Variants in CDC42BPB observed in about 807,000 individuals in gnomAD.
CDC42BPB encodes serine/threonine-protein kinase MRCK beta.
In CDC42BPB, 37 loss-of-function variants were observed where a neutral mutation model predicts 214.9. The ratio of observed to expected loss-of-function variants is 0.17; its 90% CI spans 0.13 to 0.23. CDC42BPB has a LOEUF of 0.23. CDC42BPB is among the 10% of genes least tolerant of loss of function. CDC42BPB has a pLI of 1.00. For missense variants in CDC42BPB, 1,694 were observed against 2,227.0 expected (o/e 0.76, Z 4.82); for synonymous variants, 931 against 884.0 (o/e 1.05, Z -0.94).
intron 28 of CDC42BPB, 95 bp downstream of exon 28, chr14:102,946,373 C>T: frequency 7.3e-7 from 1 of 1,363,946 alleles, no homozygotes; most frequent in South Asian, 1.3e-5. Context: ...CCCAAATGGA[C>T]CTGTGACCTT....
At chr14:103,056,613 G>A (rs927275522) in intron 1 of CDC42BPB, among the ~76,000 whole-genome samples, 1 of 149,780 alleles carries the variant, frequency 6.7e-6, no homozygotes, top group African/African-American at 2.5e-5. Context: ...GAGTGCTGCA[G>A]GAAATGATAT....
At chr14:102,942,250 T>G (rs923757179) in intron 30 of CDC42BPB, among the ~76,000 whole-genome samples, 2 of 152,150 alleles carry the variant, frequency 1.3e-5, no homozygotes, top group African/African-American at 2.4e-5. Context: ...TGCTGTGGTG[T>G]GGCCATCGGG....
intron 30 of CDC42BPB, chr14:102,941,620 A>G: frequency 1.1e-6 from 1 of 922,258 alleles, no homozygotes; most frequent in Non-Finnish European, 1.3e-6. Flanking sequence ...CTTGCAAGGA[A>G]GCAGGAAGAA....
intron 1 of CDC42BPB, 89 bp downstream of exon 1, chr14:103,056,910 C>G (rs112028001): frequency 2.1e-6 from 2 of 964,412 alleles, no homozygotes; most frequent in Non-Finnish European, 2.8e-6. Context: ...CAGGGTCTGT[C>G]CGGGCGGGGA....
chr14:102,966,613 T>C (rs1462912574), intron 17 of CDC42BPB: 18 of 654,758 alleles, frequency 2.7e-5, no homozygotes, highest in Non-Finnish European at 3.0e-5. Flanking sequence ...GACTCAAGAA[T>C]GAAAAAATTC....
At position 102,933,355 on chromosome 14, in the gene CDC42BPB, G is replaced by C. The variant is rs1480947962; in HGVS notation, c.*357C>G. 1 of 208,874 alleles carries C rather than the reference G, an allele frequency of 4.8e-6. No individual in the cohort carries two copies. The highest frequency in any genetic ancestry group is 2.3e-5 in the African/African-American group (1 of 43,600). 12.9% of individuals were successfully genotyped at this position (208,874 alleles called of 1,614,324 possible). On this transcript the variant is annotated 3_prime_UTR_variant, in exon 37 of 37. Coordinates refer to ENST00000361246, the MANE Select transcript of CDC42BPB (RefSeq NM_006035.4). ...ACTGGGTACTGAGGCTGTGTCCCCAGATGTCTGCTTCCGAAGCAGCCGCGT... is the reference window on the plus strand; with the variant it reads ...ACTGGGTACTGAGGCTGTGTCCCCACATGTCTGCTTCCGAAGCAGCCGCGT...
chr14:102,998,737 ATT>A (rs1475411662), intron 5 of CDC42BPB, among the ~76,000 whole-genome samples: 1 of 152,082 alleles, frequency 6.6e-6, no homozygotes, highest in African/African-American at 2.4e-5. Context: ...CTCAAGCCCT[ATT>A]TCCTTTGTGA....
At chr14:102,970,095 T>A in intron 14 of CDC42BPB, 56 bp downstream of exon 14, 1 of 1,380,358 alleles carries the variant, frequency 7.2e-7, no homozygotes, top group Non-Finnish European at 1.0e-6. Flanking sequence ...TGTGGTGGCG[T>A]CAGCAAAGAT....
At chr14:102,968,761 A>C in intron 14 of CDC42BPB, 45 bp from the exon 15 acceptor site, 1 of 1,604,896 alleles carries the variant, frequency 6.2e-7, no homozygotes, top group Non-Finnish European at 8.5e-7. Flanking sequence ...CTGTGTCCTC[A>C]AGGGTCACAC....
intron 1 of CDC42BPB, 140 bp downstream of exon 1, chr14:103,056,859 A>C: frequency 5.8e-6 from 3 of 518,784 alleles, no homozygotes; most frequent in East Asian, 3.6e-5. Flanking sequence ...TGCCAGAGCG[A>C]GAGGAGGCGA....
intron 36 of CDC42BPB, among the ~76,000 whole-genome samples, chr14:102,935,512 G>A (rs571390427): frequency 3.9e-5 from 6 of 152,300 alleles, no homozygotes; most frequent in East Asian, 3.9e-4. Context: ...GTACTAGGCC[G>A]GGTATAGTGC....
chr14:102,947,235 T>G (rs1453473547), intron 27 of CDC42BPB, among the ~76,000 whole-genome samples: 1 of 152,106 alleles, frequency 6.6e-6, no homozygotes. Context: ...AAATTCCCAG[T>G]GGAGGGGGCT....
In CDC42BPB at chr14:102,983,901, T is replaced by G. The variant is rs1016266153; in HGVS notation, c.691-145A>C. ...GAATGATCGTGTTTTTTAAACCCAG[T>G]AATTCAAGCTGAGTATAGTGCCTCG... On this transcript the variant is annotated intron_variant, in intron 6 of 36. Coordinates refer to ENST00000361246, the MANE Select transcript of CDC42BPB (RefSeq NM_006035.4). 7 of 1,449,924 alleles carry G rather than the reference T, an allele frequency of 4.8e-6. No homozygotes were observed. In the African/African-American group the frequency reaches 9.9e-5, roughly 21 times the overall value. 89.8% of individuals were successfully genotyped at this position (1,449,924 alleles called of 1,614,324 possible).
At position 102,943,760 on chromosome 14, in the gene CDC42BPB, C is replaced by A; in HGVS notation, c.4408+131G>T. ...CTCTCTGCTGCGGGCTGGCATGGGG[C>A]CCACCTCTCCCGATGCTCTGTGACT... On this transcript the variant is annotated intron_variant, in intron 30 of 36. Coordinates refer to ENST00000361246, the MANE Select transcript of CDC42BPB (RefSeq NM_006035.4). This position sits in a 1 kb window ranked among gnomAD's most constrained non-coding sequence, Gnocchi z 4.6. 1.3e-6 allele frequency: 1 copy of A among 780,548 alleles called. No homozygotes were observed. Among genetic ancestry groups the A allele is most frequent in the Non-Finnish European group, 2.0e-6 (1 of 494,240 alleles). The allele number at this position is 780,548 out of a possible 1,614,324, so 48.4% of individuals were successfully genotyped here. A position where few individuals can be genotyped will look rare whatever the true frequency, so the allele number is the denominator to read the frequency against.
At chr14:103,029,840 A>G (rs1887260706) in intron 1 of CDC42BPB, among the ~76,000 whole-genome samples, 1 of 136,962 alleles carries the variant, frequency 7.3e-6, no homozygotes, top group Non-Finnish European at 1.5e-5. Context: ...GCCTAGTGAC[A>G]GAGGGAGACT....
At chr14:102,974,222 TACTG>T in intron 11 of CDC42BPB, 73 bp from the exon 12 acceptor site, 1 of 1,564,628 alleles carries the variant, frequency 6.4e-7, no homozygotes, top group Non-Finnish European at 8.6e-7. Context: ...TTAGCTGACT[TACTG>T]ACAGGAAATT....
intron 23 of CDC42BPB, 110 bp downstream of exon 23, chr14:102,954,088 A>G (rs892219001): frequency 1.2e-6 from 1 of 814,234 alleles, no homozygotes; most frequent in African/African-American, 1.7e-5. Context: ...TGTGTATGCA[A>G]AAATGACTAA....
At chr14:102,950,259 G>A (rs1595458421) in intron 25 of CDC42BPB, among the ~76,000 whole-genome samples, 1 of 152,258 alleles carries the variant, frequency 6.6e-6, no homozygotes, top group African/African-American at 2.4e-5. Flanking sequence ...GTGAGCGTCT[G>A]CGTGGAGGCC....
At chr14:102,972,392 G>C (rs1429107469) in intron 12 of CDC42BPB, 2 of 936,476 alleles carry the variant, frequency 2.1e-6, no homozygotes, top group African/African-American at 3.6e-5. Flanking sequence ...TGCACACCAA[G>C]AAAGGCCCCA....
Sources: gnomAD v4.1 joint callset for allele counts (sites outside exome capture counted in the v4.1 genomes callset) on GRCh38, gnomAD v4.1.1 for gene constraint, Gnocchi (gnomAD v3.1) non-coding constraint, MANE v1.5 for transcripts, NCBI Gene and HGNC (gene_info 2026-07-23, HGNC 2026-07-21) for gene names.